Variants in PSMA6 observed in about 807,000 individuals in gnomAD.
PSMA6 encodes the protein proteasome 20S subunit alpha 6.
For synonymous variants in PSMA6, 88 were observed against 97.7 expected, an observed-to-expected ratio of 0.90 and a Z score of 0.59; for missense variants, 170 against 294.8, an observed-to-expected ratio of 0.58 and a Z score of 3.10.
chr14:35,310,699 T>G, intron 3 of PSMA6, 41 bp from the exon 4 acceptor site: 1 of 1,605,798 alleles, frequency 6.2e-7, no homozygotes. Flanking sequence ...GGTTTGTTCT[T>G]TCCTTCTAAC....
chr14:35,285,109 G>T (rs1261680827), intron 1 of PSMA6, among the ~76,000 whole-genome samples: 1 of 152,110 alleles, frequency 6.6e-6, no homozygotes, highest in African/African-American at 2.4e-5. Flanking sequence ...ACTTTGGGAG[G>T]CCGAGGCAGG....
chr14:35,308,896 GT>G lies in PSMA6; in HGVS notation c.172-15del. 1 of 1,544,664 alleles carries G rather than the reference GT, an allele frequency of 6.5e-7. No individual in the cohort carries two copies. Among genetic ancestry groups the G allele is most frequent in the South Asian group, 1.2e-5 (1 of 85,930 alleles). ...GTATGTTTTTTAAAAAATTATCTTT[GT>G]TTATTTTGTTTATTAGGACAAATTA... On this transcript the variant is annotated splice_polypyrimidine_tract_variant and intron_variant, in intron 2 of 6. Transcript: ENST00000261479.
chr14:35,283,552 CTTTTTT>C (rs750836861), intron 1 of PSMA6, among the ~76,000 whole-genome samples: 1 of 126,690 alleles, frequency 7.9e-6, no homozygotes, highest in South Asian at 2.6e-4. Context: ...GACTAGAACT[CTTTTTT>C]TTTTTTTTTT....
chr14:35,295,416 TTGCTCCC>T, intron 1 of PSMA6, among the ~76,000 whole-genome samples: 1 of 151,910 alleles, frequency 6.6e-6, no homozygotes, highest in Non-Finnish European at 1.5e-5. Flanking sequence ...TTGGCAGTGT[TTGCTCCC>T]AGGGAGTGGA....
intron 1 of PSMA6, among the ~76,000 whole-genome samples, chr14:35,298,822 C>T (rs1313511960): frequency 6.6e-6 from 1 of 151,992 alleles, no homozygotes; most frequent in African/African-American, 2.4e-5. Context: ...TAACTTCCGC[C>T]TCCCAGGTTA....
At position 35,307,989 on chromosome 14, in the gene PSMA6, T is replaced by C. The variant is rs766953478; in HGVS notation, c.77-5T>C. Reference sequence around the variant, plus strand: ...CAACTTAAAAAAAACTGTTCTGTTTTCCAGAATATGCTTTTAAGGCTATTA... The same window carrying C: ...CAACTTAAAAAAAACTGTTCTGTTTCCCAGAATATGCTTTTAAGGCTATTA... On this transcript the variant is annotated splice_polypyrimidine_tract_variant and splice_region_variant and intron_variant, in intron 1 of 6. Coordinates refer to ENST00000261479, the MANE Select transcript of PSMA6 (RefSeq NM_002791.3). 3 of 1,613,434 alleles carry C rather than the reference T, an allele frequency of 1.9e-6. No individual in the cohort carries two copies. The highest frequency in any genetic ancestry group is 2.5e-6 in the Non-Finnish European group (3 of 1,179,700).
chr14:35,285,330 A>C (rs2051408860), intron 1 of PSMA6, among the ~76,000 whole-genome samples: 1 of 123,962 alleles, frequency 8.1e-6, no homozygotes. Context: ...ACAGAGCAAA[A>C]CTCTATCTCA....
chr14:35,315,099 G>A (rs563634648), intron 6 of PSMA6: 2 of 152,180 alleles, frequency 1.3e-5, no homozygotes, highest in South Asian at 2.1e-4. Context: ...AGCCCTGTGA[G>A]GCAGTTGATA....
At chr14:35,308,521 T>C (rs1031278264) in intron 2 of PSMA6, 18 of 194,008 alleles carry the variant, frequency 9.3e-5, no homozygotes, top group African/African-American at 3.8e-4. Context: ...GCTTTGACCC[T>C]GCTTTCCTGT....
Position 35,294,706 on chromosome 14 carries a change from C to CT in PSMA6, c.76+2164dup, listed in dbSNP as rs367838758. Among the ~76,000 whole-genome samples the CT allele has an allele frequency of 1.4e-3, 203 of 147,594 alleles. 1 individual carries two copies. The highest frequency in any genetic ancestry group is 7.0e-3 in the Middle Eastern group (2 of 286). ...TGCTTGTTTGATTCTTTGGCCCCCC[C>CT]TTTTTTTTTTGGTCTATTAGATTAG... On this transcript the variant is annotated intron_variant, in intron 1 of 6. Coordinates refer to ENST00000261479, the MANE Select transcript of PSMA6 (RefSeq NM_002791.3).
chr14:35,315,406 A>G (rs1245183931), intron 6 of PSMA6: 1 of 152,130 alleles, frequency 6.6e-6, no homozygotes, highest in Non-Finnish European at 1.5e-5. Context: ...TAAAAAAAAA[A>G]AAACAGCTGG....
chr14:35,288,960 T>C (rs1045458032), upstream of PSMA6, among the ~76,000 whole-genome samples: 6 of 152,202 alleles, frequency 3.9e-5, no homozygotes, highest in Admixed American at 1.3e-4. Flanking sequence ...ATGAGATTTT[T>C]TTGCAATTTT....
At chr14:35,305,497 T>G in intron 1 of PSMA6, among the ~76,000 whole-genome samples, 1 of 152,238 alleles carries the variant, frequency 6.6e-6, no homozygotes. Flanking sequence ...TGTTCTCTCT[T>G]AAATAGTTAG....
chr14:35,317,220 G>A (rs763075246), intron 6 of PSMA6, 29 bp from the exon 7 acceptor site: 5 of 1,600,764 alleles, frequency 3.1e-6, no homozygotes, highest in Non-Finnish European at 4.3e-6. Context: ...TTTTTAAATC[G>A]TTGTTTTTTT....
intron 1 of PSMA6, among the ~76,000 whole-genome samples, chr14:35,302,232 G>C (rs1180181680): frequency 6.6e-6 from 1 of 151,980 alleles, no homozygotes; most frequent in African/African-American, 2.4e-5. Context: ...TTTTTCTCTT[G>C]TTGTCTGTTA....
At chr14:35,290,986 A>T (rs1026333980), upstream of PSMA6, among the ~76,000 whole-genome samples, 26 of 133,750 alleles carry the variant, frequency 1.9e-4, no homozygotes, top group African/African-American at 6.3e-4. Flanking sequence ...TTTCAACCTC[A>T]GTTCCACATT....
At chr14:35,309,468 G>A (rs943979019) in intron 3 of PSMA6, among the ~76,000 whole-genome samples, 2 of 151,766 alleles carry the variant, frequency 1.3e-5, no homozygotes, top group African/African-American at 4.8e-5. Context: ...TGGGCAACAT[G>A]GTGAGACTCC....
chr14:35,310,355 C>T, intron 3 of PSMA6: 1 of 347,436 alleles, frequency 2.9e-6, no homozygotes, highest in Non-Finnish European at 5.6e-6. Context: ...AGGATTTAGC[C>T]ATGTTGGCCA....
chr14:35,310,105 G>A (rs2051912476), intron 3 of PSMA6: 2 of 383,676 alleles, frequency 5.2e-6, no homozygotes, highest in Non-Finnish European at 1.0e-5. Context: ...CTGGGTGCCA[G>A]TCCAAGACCC....
Sources: gnomAD v4.1 joint callset for allele counts (sites outside exome capture counted in the v4.1 genomes callset) on GRCh38, gnomAD v4.1.1 for gene constraint, MANE v1.5 for transcripts, NCBI Gene and HGNC (gene_info 2026-07-23, HGNC 2026-07-21) for gene names.